The following MYO9A variants were observed in gnomAD, a reference collection of about 807,000 sequenced individuals.
MYO9A encodes unconventional myosin-IXa.
Under a neutral mutation model 293.3 loss-of-function variants are expected in MYO9A, and 103 were observed. The ratio of observed to expected loss-of-function variants is 0.35; its 90% CI spans 0.30 to 0.41. The LOEUF (loss-of-function observed/expected upper bound fraction) is 0.41. Among genes scored for constraint, MYO9A ranks in the 10% least tolerant of loss-of-function variants. MYO9A has a pLI of 1.00. For synonymous variants in MYO9A, 1,001 were observed against 1,035.7 expected (o/e 0.97, Z 0.64); for missense variants, 2,685 against 3,033.0 (o/e 0.89, Z 2.69).
At chr15:71,938,143 C>T (rs2058685182) in intron 16 of MYO9A, among the ~76,000 whole-genome samples, 1 of 151,908 alleles carries the variant, frequency 6.6e-6, no homozygotes, top group South Asian at 2.1e-4. Flanking sequence ...AGACAAGTGA[C>T]AATTATGTAT....
intron 8 of MYO9A, among the ~76,000 whole-genome samples, chr15:72,007,348 C>G (rs1437514745): frequency 6.6e-6 from 1 of 150,376 alleles, no homozygotes; most frequent in East Asian, 1.9e-4. Context: ...TAAGAAGAAG[C>G]ATGGTAGGAG....
chr15:71,913,579 A>T (rs2057923045), intron 19 of MYO9A, among the ~76,000 whole-genome samples: 1 of 151,958 alleles, frequency 6.6e-6, no homozygotes. Flanking sequence ...TCTGTCTCTG[A>T]TTATTGATTT....
Position 71,978,252 on chromosome 15 carries a change from T to G in MYO9A, c.1763A>C (p.Asp588Ala), listed in dbSNP as rs1237599084. Residue 588 changes from aspartate (D) to alanine (A), a missense_variant, in exon 12 of 42, where the codon GAT becomes GCT. Asp to Ala is a moderately radical substitution (Grantham distance 126). Around this residue, in one of 10 missense-constraint regions of MYO9A, gnomAD observed 201 missense variants for 245.2 expected, o/e 0.82. Coordinates refer to ENST00000356056, the MANE Select transcript of MYO9A (RefSeq NM_006901.4). ...RTEGISWHNI[D>A]YIDNTCCINL... Reference sequence around the variant, plus strand: ...TATGCAGCAGGTATTATCAATGTAATCTATGTTGTGCCAGCTGATACCTTC... The same window carrying G: ...TATGCAGCAGGTATTATCAATGTAAGCTATGTTGTGCCAGCTGATACCTTC... The G allele has an allele frequency of 6.2e-7, 1 of 1,612,606 alleles. No homozygotes were observed. Among genetic ancestry groups the G allele is most frequent in the Admixed American group, 1.7e-5 (1 of 59,926 alleles).
intron 1 of MYO9A, among the ~76,000 whole-genome samples, chr15:72,085,337 G>A (rs1483780067): frequency 6.6e-6 from 1 of 151,250 alleles, no homozygotes; most frequent in Non-Finnish European, 1.5e-5. Flanking sequence ...ATGTTGCAGT[G>A]AGCCAAGATT....
rs528733153 is a variant in MYO9A, at chr15:71,947,426, G to GT, written c.2302+4350dup. Reference sequence around the variant, plus strand: ...TTTTCTAATTTAAGAATTTAAAGCTGTAAGTTTTCTCCTAAGTACTTCTTT... The same window carrying GT: ...TTTTCTAATTTAAGAATTTAAAGCTGTTAAGTTTTCTCCTAAGTACTTCTTT... On this transcript the variant is annotated intron_variant, in intron 15 of 41. Coordinates refer to ENST00000356056, the MANE Select transcript of MYO9A (RefSeq NM_006901.4). 1.0e-3 allele frequency among the ~76,000 whole-genome samples: 155 copies of GT among 151,940 alleles called. 2 individuals are homozygous for GT. Among genetic ancestry groups the GT allele is most frequent in the Middle Eastern group, 3.4e-3 (1 of 292 alleles).
intron 1 of MYO9A, among the ~76,000 whole-genome samples, chr15:72,088,820 C>T (rs1291480498): frequency 6.6e-6 from 1 of 152,222 alleles, no homozygotes; most frequent in African/African-American, 2.4e-5. Flanking sequence ...AAAAAAACTG[C>T]TCTTCAAATA....
intron 14 of MYO9A, chr15:71,959,575 A>G (rs1208491636): frequency 5.2e-6 from 1 of 193,296 alleles, no homozygotes; most frequent in Non-Finnish European, 1.1e-5. Flanking sequence ...GCATACAGAA[A>G]AAGTATCCTG....
At position 71,938,884 on chromosome 15, in the gene MYO9A, C is replaced by T; in HGVS notation, c.2346G>A (p.Gln782=). 6.2e-7 allele frequency: 1 copy of T among 1,610,914 alleles called. No homozygotes were observed. The highest frequency in any genetic ancestry group is 8.5e-7 in the Non-Finnish European group (1 of 1,178,734). ...TTTTTTCATTTAGAGCATTCATGCC[C>T]TGGAGATCAGAAAGAGGTGTTCTGG... ...KNPRTPLSDL[Q]GMNALNEKNQ... is the part of the protein sequence containing the mutation. The change falls in exon 16 of 42, where the codon CAG becomes CAA. Residue 782 remains glutamine (Q), a synonymous_variant. Coordinates refer to ENST00000356056, the MANE Select transcript of MYO9A (RefSeq NM_006901.4).
chr15:72,005,762 G>T (rs1411829880), intron 8 of MYO9A, among the ~76,000 whole-genome samples: 1 of 152,188 alleles, frequency 6.6e-6, no homozygotes, highest in African/African-American at 2.4e-5. Context: ...GAGCACTGGA[G>T]CCTTACAACA....
intron 1 of MYO9A, among the ~76,000 whole-genome samples, chr15:72,107,981 G>C (rs1203242128): frequency 6.6e-6 from 1 of 151,940 alleles, no homozygotes; most frequent in Non-Finnish European, 1.5e-5. Flanking sequence ...GTTGATAAAG[G>C]TTACAAAGCT....
At chr15:71,990,300 G>C (rs1428873768) in intron 11 of MYO9A, among the ~76,000 whole-genome samples, 4 of 151,690 alleles carry the variant, frequency 2.6e-5, no homozygotes, top group Non-Finnish European at 5.9e-5. Context: ...GCCCAGGCTG[G>C]TCTCTAACTC....
In MYO9A at chr15:71,994,462, T is replaced by C. The variant is rs1223761525; in HGVS notation, c.1587+7A>G. ...GAAAAACATATTATAATCCAATATA[T>C]CATTACCTTGGTATTATGCTCTAAA... On this transcript the variant is annotated splice_region_variant and intron_variant, in intron 10 of 41. Transcript: ENST00000356056. 6.7e-7 allele frequency: 1 copy of C among 1,496,318 alleles called. No individual in the cohort carries two copies. Among genetic ancestry groups the C allele is most frequent in the South Asian group, 1.2e-5 (1 of 81,788 alleles). 92.7% of individuals were successfully genotyped at this position (1,496,318 alleles called of 1,614,324 possible).
intron 2 of MYO9A, chr15:72,040,389 G>A (rs539096248): frequency 6.6e-6 from 1 of 152,460 alleles, no homozygotes; most frequent in Admixed American, 6.5e-5. Flanking sequence ...GAAGACTTGT[G>A]AAGTCTATGC....
chr15:71,932,338 C>T (rs777750578), intron 18 of MYO9A, among the ~76,000 whole-genome samples: 3 of 152,016 alleles, frequency 2.0e-5, no homozygotes, highest in Non-Finnish European at 2.9e-5. Flanking sequence ...AATTCAGTGT[C>T]CCATCAATTC....
At chr15:72,004,770 T>C (rs1023880016) in intron 8 of MYO9A, among the ~76,000 whole-genome samples, 5 of 152,158 alleles carry the variant, frequency 3.3e-5, no homozygotes, top group African/African-American at 9.7e-5. Flanking sequence ...CCATGCCAAA[T>C]AGGCATTAGT....
chr15:71,846,186 T>G (rs2055378395), intron 39 of MYO9A, among the ~76,000 whole-genome samples: 1 of 152,198 alleles, frequency 6.6e-6, no homozygotes, highest in Non-Finnish European at 1.5e-5. Context: ...AGAACTGAGT[T>G]CACTGTCAAC....
chr15:72,030,916 G>A (rs1041377514), intron 3 of MYO9A, among the ~76,000 whole-genome samples: 12 of 152,250 alleles, frequency 7.9e-5, no homozygotes, highest in South Asian at 4.1e-4. Context: ...GACTCGTAGC[G>A]GTCCATGACC....
intron 2 of MYO9A, among the ~76,000 whole-genome samples, chr15:72,034,905 C>T (rs999151179): frequency 6.6e-6 from 1 of 152,170 alleles, no homozygotes; most frequent in Non-Finnish European, 1.5e-5. Context: ...TGCAATACAA[C>T]TTTTATCACT....
chr15:71,981,641 G>GTCTCTCTCTCTCTCTCTCTCTCTCTC (rs142432028), intron 11 of MYO9A, among the ~76,000 whole-genome samples: 1 of 144,396 alleles, frequency 6.9e-6, no homozygotes, highest in Non-Finnish European at 1.5e-5. Context: ...TCTCTGTCTT[G>GTCTCTCTCTCTCTCTCTCTCTCTCTC]TCTCTCTCTC....
Sources: gnomAD v4.1 joint callset for allele counts (sites outside exome capture counted in the v4.1 genomes callset) on GRCh38, gnomAD v4.1.1 for gene constraint, gnomAD v4.1.1 regional missense constraint, MANE v1.5 for transcripts, NCBI Gene and HGNC (gene_info 2026-07-23, HGNC 2026-07-21) for gene names.